Variants in COL25A1 observed in about 807,000 individuals in gnomAD.
COL25A1 encodes the protein collagen type XXV alpha 1 chain, also known as collagen alpha-1(XXV) chain.
Under a neutral mutation model 128.4 loss-of-function variants are expected in COL25A1, and 103 were observed. That is an observed-to-expected ratio of 0.80 (90% confidence interval 0.68 to 0.94). COL25A1 has a LOEUF of 0.94. Ranked by LOEUF, COL25A1 falls within the 40% of genes least tolerant of loss-of-function variation. The pLI is 0.00. For synonymous variants in COL25A1, 279 were observed against 277.2 expected (o/e 1.01, Z -0.06); for missense variants, 745 against 840.0 (o/e 0.89, Z 1.40).
At chr4:108,998,962 A>T (rs986288786) in intron 6 of COL25A1, among the ~76,000 whole-genome samples, 1 of 152,190 alleles carries the variant, frequency 6.6e-6, no homozygotes, top group Admixed American at 6.5e-5. Flanking sequence ...ACAAAAATTA[A>T]CTTAAGATGG....
chr4:109,111,611 G>C (rs575957358), intron 3 of COL25A1, among the ~76,000 whole-genome samples: 15 of 152,276 alleles, frequency 9.9e-5, no homozygotes, highest in African/African-American at 3.4e-4. Context: ...GTGGATAATG[G>C]CTGGACCTTC....
At chr4:109,181,869 G>T (rs779403635) in intron 3 of COL25A1, among the ~76,000 whole-genome samples, 1 of 151,766 alleles carries the variant, frequency 6.6e-6, no homozygotes, top group Non-Finnish European at 1.5e-5. Context: ...CCTGCCCCTA[G>T]CCCTTGATAA....
chr4:109,211,029 C>G (rs1001057320), intron 3 of COL25A1, among the ~76,000 whole-genome samples: 2 of 151,704 alleles, frequency 1.3e-5, no homozygotes, highest in South Asian at 2.1e-4. Flanking sequence ...TGAGAGTGAA[C>G]GGAGAGGAGG....
chr4:109,238,642 C>G lies in COL25A1; in HGVS notation c.367+61941G>C, dbSNP rs147580332. ...TGCTTGTTCGTTTACAAACAGAGAT[C>G]CCTCTGACCACTGTGGAACTAGAAG... On this transcript the variant is annotated intron_variant, in intron 3 of 37. Coordinates refer to ENST00000399132, the MANE Select transcript of COL25A1 (RefSeq NM_198721.4). Among the ~76,000 whole-genome samples the G allele has an allele frequency of 7.3e-3, 1,109 of 152,106 alleles. 4 individuals are homozygous for G. The highest frequency in any genetic ancestry group is 0.011 in the Non-Finnish European group (772 of 67,984).
intron 3 of COL25A1, among the ~76,000 whole-genome samples, chr4:109,074,472 G>A (rs1456186708): frequency 3.3e-5 from 5 of 152,104 alleles, no homozygotes; most frequent in Admixed American, 2.0e-4. Context: ...TCCCATTGTC[G>A]TAGAAAATGA....
chr4:109,041,018 A>C (rs1474164498), intron 5 of COL25A1, among the ~76,000 whole-genome samples: 1 of 152,062 alleles, frequency 6.6e-6, no homozygotes, highest in Non-Finnish European at 1.5e-5. Flanking sequence ...CTGACTCTAA[A>C]AGTGTTAGTC....
At chr4:108,859,127 T>TA (rs1250779056) in intron 24 of COL25A1, among the ~76,000 whole-genome samples, 1 of 152,238 alleles carries the variant, frequency 6.6e-6, no homozygotes, top group Non-Finnish European at 1.5e-5. Context: ...GCTTACTATG[T>TA]ACCAGGAACT....
chr4:109,176,412 G>A (rs952605641), intron 3 of COL25A1, among the ~76,000 whole-genome samples: 2 of 152,066 alleles, frequency 1.3e-5, no homozygotes, highest in Non-Finnish European at 2.9e-5. Flanking sequence ...AGCTAGAGAT[G>A]AGACTTGGCT....
intron 6 of COL25A1, among the ~76,000 whole-genome samples, chr4:108,993,257 C>T (rs1443944835): frequency 1.3e-5 from 2 of 152,152 alleles, no homozygotes; most frequent in African/African-American, 2.4e-5. Context: ...TTTTTTGATT[C>T]CACATACGCA....
chr4:109,094,366 C>G (rs925062286), intron 3 of COL25A1, among the ~76,000 whole-genome samples: 1 of 152,178 alleles, frequency 6.6e-6, no homozygotes, highest in African/African-American at 2.4e-5. Flanking sequence ...ATTACATTTG[C>G]TTGGCAGACA....
In COL25A1 at chr4:108,811,244, G is replaced by C. The variant is rs1026403000; in HGVS notation, c.*2683C>G. 18 of 152,024 alleles carry C rather than the reference G, an allele frequency of 1.2e-4. No individual in the cohort carries two copies. Among genetic ancestry groups the C allele is most frequent in the Non-Finnish European group, 2.2e-4 (15 of 67,934 alleles). The allele number at this position is 152,024 out of a possible 1,614,324, so 9.4% of individuals were successfully genotyped here. On this transcript the variant is annotated 3_prime_UTR_variant, in exon 38 of 38. Transcript: ENST00000399132. ...GATTATCCATCATGGTTAAGACCTAGCAATTCCACTGAACAAGGAGGAGTA... is the reference window on the plus strand; with the variant it reads ...GATTATCCATCATGGTTAAGACCTACCAATTCCACTGAACAAGGAGGAGTA...
At chr4:108,991,279 G>C (rs1754203547) in intron 6 of COL25A1, among the ~76,000 whole-genome samples, 1 of 152,154 alleles carries the variant, frequency 6.6e-6, no homozygotes, top group Non-Finnish European at 1.5e-5. Flanking sequence ...GCTAATTTCA[G>C]TGAGAAAAAT....
intron 8 of COL25A1, among the ~76,000 whole-genome samples, chr4:108,966,944 GGAA>G (rs1751374638): frequency 7.1e-6 from 1 of 141,626 alleles, no homozygotes. Context: ...AAGAAAGAGA[GGAA>G]AGAAAGAAAA....
chr4:108,929,665 C>T (rs906282361), intron 11 of COL25A1, among the ~76,000 whole-genome samples: 3 of 151,958 alleles, frequency 2.0e-5, no homozygotes, highest in African/African-American at 7.3e-5. Context: ...CTCCATAAAA[C>T]ATAAAAATTA....
intron 3 of COL25A1, among the ~76,000 whole-genome samples, chr4:109,178,972 G>C (rs1252467314): frequency 6.6e-6 from 1 of 150,918 alleles, no homozygotes; most frequent in Non-Finnish European, 1.5e-5. Flanking sequence ...TAGCACTGTA[G>C]AATATTAATC....
At chr4:108,931,532 T>C (rs1321564565) in intron 11 of COL25A1, among the ~76,000 whole-genome samples, 8 of 152,182 alleles carry the variant, frequency 5.3e-5, no homozygotes, top group African/African-American at 1.9e-4. Context: ...TAGATCACTG[T>C]TGAAAATGCT....
At chr4:108,846,533 A>C (rs1301163010) in intron 27 of COL25A1, among the ~76,000 whole-genome samples, 2 of 152,170 alleles carry the variant, frequency 1.3e-5, no homozygotes, top group African/African-American at 2.4e-5. Flanking sequence ...ACCAGACCTG[A>C]AAACAACTTA....
chr4:109,080,200 T>C (rs1763720043), intron 3 of COL25A1, among the ~76,000 whole-genome samples: 1 of 152,162 alleles, frequency 6.6e-6, no homozygotes, highest in African/African-American at 2.4e-5. Context: ...CTCCTGTTAT[T>C]CCCATTTTAT....
intron 2 of COL25A1, among the ~76,000 whole-genome samples, chr4:109,301,142 T>C (rs1725484399): frequency 6.6e-6 from 1 of 151,876 alleles, no homozygotes; most frequent in African/African-American, 2.4e-5. Flanking sequence ...TCCTCTCAAC[T>C]CTCAATTCCA....
Sources: allele counts gnomAD v4.1 joint callset (sites outside exome capture counted in the v4.1 genomes callset), GRCh38; gene constraint gnomAD v4.1.1; transcripts MANE v1.5; gene names NCBI Gene and HGNC (gene_info 2026-07-23, HGNC 2026-07-21).